Variants in KIAA0586 observed in about 807,000 individuals in gnomAD.
KIAA0586 encodes the protein KIAA0586, also known as protein TALPID3.
A neutral mutation model predicts 169.8 loss-of-function variants in KIAA0586; 144 were observed. That is an observed-to-expected ratio of 0.85 (90% CI 0.74 to 0.97). The LOEUF (loss-of-function observed/expected upper bound fraction) is 0.97. Among genes scored for constraint, KIAA0586 ranks in the 50% least tolerant of loss-of-function variants. KIAA0586 has a pLI of 0.00. For synonymous variants in KIAA0586, 625 were observed against 612.4 expected (o/e 1.02, Z -0.30); for missense variants, 1,854 against 1,823.0 (o/e 1.02, Z -0.31).
In KIAA0586 at chr14:58,448,372, T is replaced by C; in HGVS notation, c.840T>C (p.Ser280=). The C allele has an allele frequency of 1.2e-6, 2 of 1,602,714 alleles. No individual in the cohort carries two copies. The highest frequency in any genetic ancestry group is 1.7e-6 in the Non-Finnish European group (2 of 1,170,502). Residue 280 remains serine, a synonymous_variant, in exon 7 of 31, where the codon AGT becomes AGC. Coordinates refer to ENST00000652326, the MANE Select transcript of KIAA0586 (RefSeq NM_001329943.3). The stretch of plus-strand genomic sequence containing the variant: ...TTATTAGTGCTGCACTCAAGACTAG[T>C]AGTTTTCAGCCTGTTAGTATGCCCT... ...THFISAALKT[S]SFQPVSMPSS... is the part of the protein sequence containing the mutation.
At chr14:58,511,677 A>T (rs1441187584) in intron 28 of KIAA0586, among the ~76,000 whole-genome samples, 1 of 152,128 alleles carries the variant, frequency 6.6e-6, no homozygotes, top group Admixed American at 6.6e-5. Context: ...GGAAGACCAG[A>T]GTTAAGGCTA....
intron 9 of KIAA0586, among the ~76,000 whole-genome samples, chr14:58,455,178 T>C (rs1042643908): frequency 2.6e-5 from 4 of 152,236 alleles, no homozygotes; most frequent in African/African-American, 9.6e-5. Flanking sequence ...TTTCTGTTTG[T>C]CTTTTAAAAA....
At chr14:58,506,525 A>G (rs1255366987) in intron 27 of KIAA0586, among the ~76,000 whole-genome samples, 1 of 151,948 alleles carries the variant, frequency 6.6e-6, no homozygotes, top group Non-Finnish European at 1.5e-5. Flanking sequence ...TGCCTCTACT[A>G]AAAATACAAA....
At chr14:58,463,258 T>C (rs1273009889) in intron 14 of KIAA0586, among the ~76,000 whole-genome samples, 1 of 152,256 alleles carries the variant, frequency 6.6e-6, no homozygotes, top group Non-Finnish European at 1.5e-5. Context: ...TTGTTCTTCA[T>C]GGCACTTCAC....
At chr14:58,513,478 AAGATAG>A (rs1187674621) in intron 29 of KIAA0586, among the ~76,000 whole-genome samples, 3 of 152,026 alleles carry the variant, frequency 2.0e-5, no homozygotes, top group Admixed American at 2.0e-4. Context: ...GGAAGTGCTC[AAGATAG>A]TAAGATTATG....
At chr14:58,514,162 C>G (rs1566927327) in intron 29 of KIAA0586, among the ~76,000 whole-genome samples, 1 of 152,024 alleles carries the variant, frequency 6.6e-6, no homozygotes, top group Non-Finnish European at 1.5e-5. Context: ...ATTGCCTTGG[C>G]AAATATAATC....
In KIAA0586 at chr14:58,428,157, T is replaced by C. The variant is rs577401716; in HGVS notation, c.-108T>C. 6.7e-7 allele frequency: 1 copy of C among 1,485,472 alleles called. No homozygotes were observed. The highest frequency in any genetic ancestry group is 1.4e-5 in the South Asian group (1 of 71,644). 92.0% of individuals were successfully genotyped at this position (1,485,472 alleles called of 1,614,324 possible). A position where few individuals can be genotyped will look rare whatever the true frequency, so the allele number is the denominator to read the frequency against. ...TTTTCAGCTTTGTGGATGTTCGACATTTTAAAAACAGTTATTGCAAAGAGG... is the reference window on the plus strand; with the variant it reads ...TTTTCAGCTTTGTGGATGTTCGACACTTTAAAAACAGTTATTGCAAAGAGG... On this transcript the variant is annotated 5_prime_UTR_variant, in exon 1 of 31. Transcript: ENST00000652326.
chr14:58,452,811 A>C (rs1026130458), intron 8 of KIAA0586, among the ~76,000 whole-genome samples: 4 of 152,098 alleles, frequency 2.6e-5, no homozygotes, highest in Non-Finnish European at 5.9e-5. Flanking sequence ...GATTGCAGGC[A>C]TGAGCCATTG....
intron 4 of KIAA0586, among the ~76,000 whole-genome samples, chr14:58,438,299 A>G (rs533334359): frequency 9.2e-5 from 14 of 152,350 alleles, no homozygotes; most frequent in South Asian, 6.2e-4. Context: ...TTAAAAGCCT[A>G]TAAAGAAATT....
chr14:58,558,063 C>T, the KIAA0586 span, among the ~76,000 whole-genome samples: 3 of 151,588 alleles, frequency 2.0e-5, no homozygotes, highest in African/African-American at 4.9e-5. Flanking sequence ...GTGCGTGCCA[C>T]GATGCCCAGC....
intron 21 of KIAA0586, among the ~76,000 whole-genome samples, chr14:58,484,905 TATATATATA>T (rs1566877024): frequency 7.0e-5 from 2 of 28,724 alleles, no homozygotes; most frequent in Non-Finnish European, 1.4e-4. Flanking sequence ...TATATATATA[TATATATATA>T]TATATATATA....
chr14:58,466,658 A>T (rs1207113288), intron 15 of KIAA0586, among the ~76,000 whole-genome samples: 2 of 152,150 alleles, frequency 1.3e-5, no homozygotes, highest in African/African-American at 4.8e-5. Flanking sequence ...TCAGTCCAGG[A>T]GTTTGAGGCT....
At chr14:58,461,253 A>G in intron 14 of KIAA0586, 93 bp downstream of exon 14, 1 of 869,256 alleles carries the variant, frequency 1.2e-6, no homozygotes, top group Non-Finnish European at 1.7e-6. Context: ...TATTGCTTAT[A>G]CGTGCCATTC....
At chr14:58,477,375 A>G in intron 20 of KIAA0586, 134 bp downstream of exon 20, 2 of 577,864 alleles carry the variant, frequency 3.5e-6, no homozygotes, top group Non-Finnish European at 6.2e-6. Flanking sequence ...ACTTCTTAGT[A>G]CTTCTTTGGT....
chr14:58,474,785 G>C lies in KIAA0586; in HGVS notation c.2813G>C (p.Ser938Thr). Residue 938 changes from serine (S) to threonine (T), a missense_variant, in exon 19 of 31, where the codon AGC becomes ACC. By Grantham distance (58) the Ser-to-Thr change is moderately conservative. Transcript: ENST00000652326. Reference sequence around the variant, plus strand: ...GAGAGAAAAGAAACACTGGAAAATAGCTTAATTCAATGGTAAGTTTATAAT... The same window carrying C: ...GAGAGAAAAGAAACACTGGAAAATACCTTAATTCAATGGTAAGTTTATAAT... ...VIERKETLENSLIQWVEQEIM... is the reference protein window; with the variant it reads ...VIERKETLENTLIQWVEQEIM... 1 of 1,598,654 alleles carries C rather than the reference G, an allele frequency of 6.3e-7. No homozygotes were observed. The highest frequency in any genetic ancestry group is 8.5e-7 in the Non-Finnish European group (1 of 1,172,886).
At chr14:58,437,732 C>T (rs1002648267) in intron 4 of KIAA0586, among the ~76,000 whole-genome samples, 1 of 144,446 alleles carries the variant, frequency 6.9e-6, no homozygotes, top group African/African-American at 2.6e-5. Flanking sequence ...AAAAAAAAGG[C>T]CAAGTTCACA....
intron 21 of KIAA0586, among the ~76,000 whole-genome samples, chr14:58,484,095 A>G (rs1045226792): frequency 2.0e-5 from 3 of 152,168 alleles, no homozygotes; most frequent in African/African-American, 7.2e-5. Flanking sequence ...TGGGAAAACC[A>G]GTGTAAAGAG....
At position 58,428,478 on chromosome 14, in the gene KIAA0586, G is replaced by A; in HGVS notation, c.199+15G>A. 4 of 1,576,860 alleles carry A rather than the reference G, an allele frequency of 2.5e-6. No individual in the cohort carries two copies. The highest frequency in any genetic ancestry group is 3.5e-6 in the Non-Finnish European group (4 of 1,147,952). ...AACATCACGTGGTATGTGATTCCAT[G>A]TAGTTTTTCAACCAGTTTTAGTTTA... is the stretch of plus-strand genomic sequence containing the variant. On this transcript the variant is annotated intron_variant, in intron 1 of 30. Transcript: ENST00000652326.
intron 30 of KIAA0586, among the ~76,000 whole-genome samples, chr14:58,547,436 T>C (rs1360115622): frequency 6.6e-6 from 1 of 152,174 alleles, no homozygotes; most frequent in Non-Finnish European, 1.5e-5. Flanking sequence ...GTAAAATAAC[T>C]TGGTGACAGT....
Sources: allele counts gnomAD v4.1 joint callset (sites outside exome capture counted in the v4.1 genomes callset), GRCh38; gene constraint gnomAD v4.1.1; transcripts MANE v1.5; gene names NCBI Gene and HGNC (gene_info 2026-07-23, HGNC 2026-07-21).